Variants in CNMD observed in about 807,000 individuals in gnomAD.
CNMD encodes chondromodulin, also known as leukocyte cell-derived chemotaxin 1.
A neutral mutation model predicts 37.5 loss-of-function variants in CNMD; 30 were observed. The observed-to-expected ratio is 0.80, with a 90% CI of 0.60 to 1.09. CNMD has a LOEUF of 1.09. Among genes scored for constraint, CNMD ranks in the 50% least tolerant of loss-of-function variants. CNMD has a pLI of 0.00. For synonymous variants in CNMD, 167 were observed against 148.2 expected (o/e 1.13, Z -0.92); for missense variants, 398 against 423.9 (o/e 0.94, Z 0.54).
At position 52,739,257 on chromosome 13, in the gene CNMD, C is replaced by T; in HGVS notation, c.73-86G>A. The T allele has an allele frequency of 7.2e-7, 1 of 1,385,476 alleles. No individual in the cohort carries two copies. Among genetic ancestry groups the T allele is most frequent in the Non-Finnish European group, 9.4e-7 (1 of 1,064,474 alleles). The allele number at this position is 1,385,476 out of a possible 1,614,324, so 85.8% of individuals were successfully genotyped here. A position where few individuals can be genotyped will look rare whatever the true frequency, so the allele number is the denominator to read the frequency against. On this transcript the variant is annotated intron_variant, in intron 1 of 6. Coordinates refer to ENST00000377962, the MANE Select transcript of CNMD (RefSeq NM_007015.3). This position sits in a 1 kb window ranked among gnomAD's most constrained non-coding sequence, Gnocchi z 5.4. ...GCGCACCCGGGCCCCACGCGGTAGCCCCCAGGGAGTGGGGAGTCGGGCGGG... is the reference window on the plus strand; with the variant it reads ...GCGCACCCGGGCCCCACGCGGTAGCTCCCAGGGAGTGGGGAGTCGGGCGGG...
At chr13:52,709,921 C>T (rs766294723) in intron 5 of CNMD, among the ~76,000 whole-genome samples, 7 of 152,018 alleles carry the variant, frequency 4.6e-5, no homozygotes, top group Non-Finnish European at 8.8e-5. Flanking sequence ...TGCAGTGAGC[C>T]GAGATTGCAT....
intron 2 of CNMD, 141 bp downstream of exon 2, chr13:52,738,890 A>C (rs1964823526): frequency 3.1e-6 from 2 of 643,524 alleles, no homozygotes; most frequent in African/African-American, 1.9e-5. Context: ...CGCGTGCCAG[A>C]GTGGGATGGG....
At chr13:52,730,823 G>C (rs1964653718) in intron 3 of CNMD, among the ~76,000 whole-genome samples, 1 of 152,142 alleles carries the variant, frequency 6.6e-6, no homozygotes, top group Non-Finnish European at 1.5e-5. Context: ...TCAGGGTGGA[G>C]AGCCTGGAGC....
At chr13:52,708,187 A>AT (rs58668693) in intron 6 of CNMD, among the ~76,000 whole-genome samples, 1 of 149,544 alleles carries the variant, frequency 6.7e-6, no homozygotes, top group African/African-American at 2.5e-5. Flanking sequence ...TTTCAACACT[A>AT]TTTTTTTTTT....
intron 2 of CNMD, among the ~76,000 whole-genome samples, chr13:52,734,977 A>C (rs934129984): frequency 6.6e-6 from 1 of 152,202 alleles, no homozygotes; most frequent in African/African-American, 2.4e-5. Context: ...GACAGAAAAT[A>C]CCAGTGTCCT....
In CNMD at chr13:52,739,665, C is replaced by A. The variant is rs747232600; in HGVS notation, c.37G>T (p.Val13Leu). 6.2e-7 allele frequency: 1 copy of A among 1,614,166 alleles called. No individual in the cohort carries two copies. Among genetic ancestry groups the A allele is most frequent in the Non-Finnish European group, 8.5e-7 (1 of 1,180,010 alleles). ...ENSDKVPIAL[V>L]GPDDVEFCSP... ...CAGAATTCCACGTCATCAGGTCCCA[C>A]CAGGGCAATGGGAACTTTGTCGGAG... is the stretch of plus-strand genomic sequence containing the variant. Residue 13 changes from valine (V) to leucine (L), a missense_variant, in exon 1 of 7, where the codon GTG becomes TTG. Physicochemically the swap from Val to Leu is conservative, Grantham distance 32. Coordinates refer to ENST00000377962, the MANE Select transcript of CNMD (RefSeq NM_007015.3). The surrounding 1 kb of genome is among the most constrained non-coding windows in gnomAD (Gnocchi z 5.4).
intron 4 of CNMD, among the ~76,000 whole-genome samples, chr13:52,714,040 G>A (rs1392123295): frequency 6.6e-6 from 1 of 152,160 alleles, no homozygotes; most frequent in Non-Finnish European, 1.5e-5. Context: ...GGGTGCCCGG[G>A]TGACCCAGTG....
chr13:52,704,693 C>G (rs1964145839), intron 6 of CNMD, among the ~76,000 whole-genome samples: 1 of 152,090 alleles, frequency 6.6e-6, no homozygotes, highest in Non-Finnish European at 1.5e-5. Context: ...AAGATTCTTT[C>G]CTAAAGTTAG....
At chr13:52,735,299 G>A (rs1303660177) in intron 2 of CNMD, among the ~76,000 whole-genome samples, 2 of 152,182 alleles carry the variant, frequency 1.3e-5, no homozygotes, top group Admixed American at 1.3e-4. Flanking sequence ...GGTCAGTGAT[G>A]ACTGTCAGAA....
At chr13:52,729,441 T>C (rs1219108089) in intron 3 of CNMD, among the ~76,000 whole-genome samples, 1 of 152,230 alleles carries the variant, frequency 6.6e-6, no homozygotes, top group Non-Finnish European at 1.5e-5. Flanking sequence ...TTCCTAGGAA[T>C]GCAATTACTG....
At chr13:52,733,196 C>CT in intron 3 of CNMD, 23 bp downstream of exon 3, 1 of 1,613,692 alleles carries the variant, frequency 6.2e-7, no homozygotes. Context: ...GTTAAATTCT[C>CT]TAAATGCATG....
In CNMD at chr13:52,703,829, T is replaced by G; in HGVS notation, c.790-19A>C. On this transcript the variant is annotated intron_variant, in intron 6 of 6. Coordinates refer to ENST00000377962, the MANE Select transcript of CNMD (RefSeq NM_007015.3). ...CCTGCTGCTGTGAAATAAAAGATAA[T>G]TATTTGTGATAACTGCATAGTGGGA... The G allele has an allele frequency of 1.3e-6, 2 of 1,598,376 alleles. No homozygotes were observed. The highest frequency in any genetic ancestry group is 1.7e-6 in the Non-Finnish European group (2 of 1,166,244).
At chr13:52,738,885 G>T in intron 2 of CNMD, 146 bp downstream of exon 2, 1 of 618,730 alleles carries the variant, frequency 1.6e-6, no homozygotes, top group Non-Finnish European at 2.4e-6. Flanking sequence ...AAAGCCGCGT[G>T]CCAGAGTGGG....
At chr13:52,735,986 C>T (rs1347887171) in intron 2 of CNMD, among the ~76,000 whole-genome samples, 2 of 150,896 alleles carry the variant, frequency 1.3e-5, no homozygotes, top group East Asian at 2.0e-4. Context: ...TGCGCCACCA[C>T]GCCCAGCTAA....
At chr13:52,726,019 A>G (rs1432191259) in intron 3 of CNMD, among the ~76,000 whole-genome samples, 1 of 152,226 alleles carries the variant, frequency 6.6e-6, no homozygotes, top group Non-Finnish European at 1.5e-5. Context: ...ATGTATACAT[A>G]TGTAACTCAT....
chr13:52,726,453 C>T (rs1431046065), intron 3 of CNMD, among the ~76,000 whole-genome samples: 13 of 151,758 alleles, frequency 8.6e-5, no homozygotes, highest in Admixed American at 8.5e-4. Context: ...TCTTCATTAA[C>T]AACCACACCT....
intron 2 of CNMD, among the ~76,000 whole-genome samples, chr13:52,735,529 C>T (rs893295667): frequency 1.2e-4 from 18 of 152,082 alleles, no homozygotes; most frequent in African/African-American, 4.1e-4. Context: ...CACCACTACC[C>T]CTGGCTGTCT....
chr13:52,739,665 C>G lies in CNMD; in HGVS notation c.37G>C (p.Val13Leu), dbSNP rs747232600. Residue 13 changes from valine (V) to leucine (L), a missense_variant, in exon 1 of 7, where the codon GTG becomes CTG. By Grantham distance (32) the Val-to-Leu change is conservative. Transcript: ENST00000377962. This position sits in a 1 kb window ranked among gnomAD's most constrained non-coding sequence, Gnocchi z 5.4. ...CAGAATTCCACGTCATCAGGTCCCA[C>G]CAGGGCAATGGGAACTTTGTCGGAG... ...ENSDKVPIAL[V>L]GPDDVEFCSP... 6.2e-7 allele frequency: 1 copy of G among 1,614,048 alleles called. No individual in the cohort carries two copies. The highest frequency in any genetic ancestry group is 1.3e-5 in the African/African-American group (1 of 74,928).
At chr13:52,732,186 C>T (rs1279127447) in intron 3 of CNMD, among the ~76,000 whole-genome samples, 1 of 152,106 alleles carries the variant, frequency 6.6e-6, no homozygotes, top group Non-Finnish European at 1.5e-5. Flanking sequence ...GAAGATGGGT[C>T]GATGAGGTGT....
Sources: gnomAD v4.1 joint callset for allele counts (sites outside exome capture counted in the v4.1 genomes callset) on GRCh38, gnomAD v4.1.1 for gene constraint, Gnocchi (gnomAD v3.1) non-coding constraint, MANE v1.5 for transcripts, NCBI Gene and HGNC (gene_info 2026-07-23, HGNC 2026-07-21) for gene names.